ADCY5: variants seen among roughly 807,000 people sequenced by gnomAD.
ADCY5 encodes the protein adenylate cyclase 5, also known as adenylate cyclase type 5.
In ADCY5, 30 loss-of-function variants were observed where a neutral mutation model predicts 119.7. The ratio of observed to expected loss-of-function variants is 0.25; its 90% CI spans 0.19 to 0.34. ADCY5 has a LOEUF of 0.34. ADCY5 is among the 10% of genes least tolerant of loss of function. The pLI, the probability that ADCY5 is intolerant of heterozygous loss-of-function variation, is 1.00. For missense variants in ADCY5, 1,324 were observed against 1,775.2 expected, an observed-to-expected ratio of 0.75 and a Z score of 4.57; for synonymous variants, 753 against 762.2, an observed-to-expected ratio of 0.99 and a Z score of 0.20.
intron 7 of ADCY5, 28 bp from the exon 8 acceptor site, chr3:123,325,490 A>G: frequency 3.8e-6 from 6 of 1,594,626 alleles, no homozygotes; most frequent in Non-Finnish European, 5.1e-6. Context: ...AGATGGGGGG[A>G]GATGAGGAGT....
Position 123,314,282 on chromosome 3 carries a change from G to A in ADCY5, c.2395C>T (p.Leu799=). The A allele has an allele frequency of 6.2e-7, 1 of 1,613,930 alleles. No homozygotes were observed. Among genetic ancestry groups the A allele is most frequent in the South Asian group, 1.1e-5 (1 of 91,042 alleles). The change falls in exon 12 of 21, where the codon CTG becomes TTG. Residue 799 remains leucine, a synonymous_variant. Coordinates refer to ENST00000462833, the MANE Select transcript of ADCY5 (RefSeq NM_183357.3). ...GACACAAACACCACCAAGGTCAGCAGCAGGGAACAGGTCAGGTAGAAGCTG... is the reference window on the plus strand; with the variant it reads ...GACACAAACACCACCAAGGTCAGCAACAGGGAACAGGTCAGGTAGAAGCTG... The part of the protein sequence containing the change: ...MLSFYLTCSL[L]LTLVVFVSVI...
rs57503913 is a variant in ADCY5 at position 123,439,076 on chromosome 3, C to CTT, written c.1134+8334_1134+8335dup. On this transcript the variant is annotated intron_variant, in intron 1 of 20. Coordinates refer to ENST00000462833, the MANE Select transcript of ADCY5 (RefSeq NM_183357.3). ...CCCACTGTGCCCAGACCCTAAAGTG[C>CTT]TTTTTTTTTTGAGATGGAGTCTCGC... Among the ~76,000 whole-genome samples the CTT allele has an allele frequency of 3.1e-5, 2 of 64,728 alleles. 1 individual carries two copies. Among genetic ancestry groups the CTT allele is most frequent in the Non-Finnish European group, 5.2e-5 (2 of 38,560 alleles). The allele number at this position is 64,728 out of a possible 152,430, so 42.5% of individuals were successfully genotyped here.
At position 123,353,179 on chromosome 3, in the gene ADCY5, A is replaced by C. The variant is rs566275239; in HGVS notation, c.1135-598T>G. ...GTCTTTCTGTTGCCAGCTCTCTGAC[A>C]ACCACTGCACCAGCCGGCCAGTGCC... On this transcript the variant is annotated intron_variant, in intron 1 of 20. Transcript: ENST00000462833. Among the ~76,000 whole-genome samples, 163 of 152,300 alleles carry C rather than the reference A, an allele frequency of 1.1e-3. 1 individual carries two copies. The South Asian group carries it at 0.033, about 30-fold the overall frequency.
In ADCY5 at chr3:123,447,802, C is replaced by G. The variant is rs1245039805; in HGVS notation, c.744G>C (p.Val248=). The G allele has an allele frequency of 1.9e-6, 3 of 1,612,332 alleles. No individual in the cohort carries two copies. The Admixed American group carries it at 5.0e-5, about 27-fold the overall frequency. Residue 248 remains valine, a synonymous_variant, in exon 1 of 21, where the codon GTG becomes GTC. Coordinates refer to ENST00000462833, the MANE Select transcript of ADCY5 (RefSeq NM_183357.3). The part of the protein sequence containing the change: ...NQSSLTMLMA[V]LVLVCLVMLA... The stretch of plus-strand genomic sequence containing the variant: ...ACATGACCAGGCACACGAGCACCAG[C>G]ACGGCCATGAGCATGGTGAGGCTGC...
chr3:123,428,266 G>A (rs1490669859), intron 1 of ADCY5, among the ~76,000 whole-genome samples: 4 of 152,222 alleles, frequency 2.6e-5, no homozygotes, highest in Non-Finnish European at 4.4e-5. Flanking sequence ...TTGCTGTACA[G>A]ACAAGGAAAC....
chr3:123,400,971 T>A (rs1039310621), intron 1 of ADCY5, among the ~76,000 whole-genome samples: 4 of 150,762 alleles, frequency 2.7e-5, no homozygotes, highest in Non-Finnish European at 4.4e-5. Context: ...TAAAAATAAA[T>A]AAATAAATAA....
At chr3:123,372,089 C>A (rs1248197793) in intron 1 of ADCY5, among the ~76,000 whole-genome samples, 2 of 152,198 alleles carry the variant, frequency 1.3e-5, no homozygotes, top group Admixed American at 1.3e-4. Flanking sequence ...ACTGCACTTA[C>A]TGCTGGACTT....
intron 2 of ADCY5, among the ~76,000 whole-genome samples, chr3:123,348,369 T>C (rs1273914783): frequency 6.6e-6 from 1 of 152,176 alleles, no homozygotes; most frequent in Non-Finnish European, 1.5e-5. Context: ...GCACCTACCA[T>C]GTGCCAGGCA....
intron 12 of ADCY5, among the ~76,000 whole-genome samples, chr3:123,306,865 GAATA>G (rs1368272308): frequency 6.6e-6 from 1 of 152,224 alleles, no homozygotes; most frequent in Non-Finnish European, 1.5e-5. Flanking sequence ...ATTGATGAAT[GAATA>G]AACAAAATGT....
At chr3:123,288,090 G>T (rs183074738) in intron 19 of ADCY5, among the ~76,000 whole-genome samples, 24 of 152,372 alleles carry the variant, frequency 1.6e-4, no homozygotes, top group Admixed American at 5.9e-4. Flanking sequence ...AGCTGGCTGT[G>T]CTCGGGGCCT....
At position 123,448,347 on chromosome 3, in the gene ADCY5, G is replaced by A; in HGVS notation, c.199C>T (p.Gln67Ter). The change falls in exon 1 of 21, where the codon CAG (glutamine) becomes TAG (stop). Residue 67 changes from glutamine (Q) to a stop codon, truncating the protein, a stop_gained. Transcript: ENST00000462833. LOFTEE classifies it high-confidence loss of function. The stretch of plus-strand genomic sequence containing the variant: ...CTGCGCCAGCGGCTGGCCAGGCGCT[G>A]CTGCTGCTGCGGGGTCACCGCCCCC... ...PGGAVTPQQQQRLASRWRSDD... is the reference protein window; with the variant it reads ...PGGAVTPQQQ 6.6e-7 allele frequency: 1 copy of A among 1,523,192 alleles called. No homozygotes were observed. The highest frequency in any genetic ancestry group is 8.7e-7 in the Non-Finnish European group (1 of 1,146,076). 94.4% of individuals were successfully genotyped at this position (1,523,192 alleles called of 1,614,324 possible). A position where few individuals can be genotyped will look rare whatever the true frequency, so the allele number is the denominator to read the frequency against.
At chr3:123,407,745 A>G (rs9631458) in intron 1 of ADCY5, among the ~76,000 whole-genome samples, 12 of 117,716 alleles carry the variant, frequency 1.0e-4, no homozygotes, top group Non-Finnish European at 1.3e-4. Context: ...CAGCCTGGGC[A>G]ACAGAGTGAG....
At chr3:123,346,775 G>T (rs1338170649) in intron 3 of ADCY5, among the ~76,000 whole-genome samples, 1 of 152,132 alleles carries the variant, frequency 6.6e-6, no homozygotes, top group Non-Finnish European at 1.5e-5. Flanking sequence ...TGAGTCCTAG[G>T]GAAACTTGCC....
Position 123,303,105 on chromosome 3 carries a change from C to A in ADCY5, c.2674G>T (p.Asp892Tyr). 6.2e-7 allele frequency: 1 copy of A among 1,613,850 alleles called. No individual in the cohort carries two copies. Among genetic ancestry groups the A allele is most frequent in the East Asian group, 2.2e-5 (1 of 44,874 alleles). Residue 892 changes from aspartate to tyrosine, a missense_variant, in exon 14 of 21, where the codon GAT becomes TAT. By Grantham distance (160) the Asp-to-Tyr change is radical (BLOSUM62 -3). Around this residue, in one of 6 missense-constraint regions of ADCY5, gnomAD observed 424 missense variants for 546.8 expected, o/e 0.78. Coordinates refer to ENST00000462833, the MANE Select transcript of ADCY5 (RefSeq NM_183357.3). ...GGGCTGCCACAGAAGCCCTGCTCAT[C>A]GCCCAGGCTGTAGTTGACGGCCGAC... ...AESAVNYSLG[D>Y]EQGFCGSPWP... is the part of the protein sequence containing the mutation.
intron 9 of ADCY5, 125 bp from the exon 10 acceptor site, chr3:123,319,943 C>T: frequency 7.4e-7 from 1 of 1,348,866 alleles, no homozygotes; most frequent in Non-Finnish European, 1.0e-6. Flanking sequence ...TCAGCCCAAT[C>T]AGGGCAGCGG....
chr3:123,407,088 C>T (rs185707878), intron 1 of ADCY5, among the ~76,000 whole-genome samples: 191 of 152,252 alleles, frequency 1.3e-3, no homozygotes, highest in African/African-American at 4.4e-3. Context: ...ATTCTAGGAA[C>T]GTGATACCCC....
rs768170135 is a variant in ADCY5, at chr3:123,330,943, G to A, written c.1592C>T (p.Ala531Val). The change falls in exon 5 of 21, where the codon GCT (alanine) becomes GTT (valine). Residue 531 changes from alanine (A) to valine (V), a missense_variant. Ala to Val is a moderately conservative substitution (Grantham distance 64). This residue lies in a region of ADCY5 where 123 missense variants were observed against 287.9 expected (regional missense o/e 0.43). Transcript: ENST00000462833. ...YCVSGLPEAR[A>V]DHAHCCVEMG... is the part of the protein sequence containing the mutation. ...CTCCACACAGCAGTGGGCGTGGTCAGCCCTTGCTTCAGGCAGCCCCGAGAC... is the reference window on the plus strand; with the variant it reads ...CTCCACACAGCAGTGGGCGTGGTCAACCCTTGCTTCAGGCAGCCCCGAGAC... The A allele has an allele frequency of 6.2e-7, 1 of 1,614,078 alleles. No homozygotes were observed. Among genetic ancestry groups the A allele is most frequent in the Non-Finnish European group, 8.5e-7 (1 of 1,179,972 alleles).
Position 123,303,119 on chromosome 3 carries a change from T to A in ADCY5, c.2660A>T (p.Asn887Ile), listed in dbSNP as rs774983582. The change falls in exon 14 of 21, where the codon AAC becomes ATC. Residue 887 changes from asparagine to isoleucine, a missense_variant. This residue lies in a region of ADCY5 where 424 missense variants were observed against 546.8 expected (regional missense o/e 0.78). Coordinates refer to ENST00000462833, the MANE Select transcript of ADCY5 (RefSeq NM_183357.3). Reference sequence around the variant, plus strand: ...GCCCTGCTCATCGCCCAGGCTGTAGTTGACGGCCGACTCCGCCACGTGACA... The same window carrying A: ...GCCCTGCTCATCGCCCAGGCTGTAGATGACGGCCGACTCCGCCACGTGACA... The part of the protein sequence containing the change: ...NACHVAESAV[N>I]YSLGDEQGFC... The A allele has an allele frequency of 6.2e-7, 1 of 1,613,860 alleles. No homozygotes were observed. The highest frequency in any genetic ancestry group is 8.5e-7 in the Non-Finnish European group (1 of 1,180,026).
At chr3:123,295,827 C>T (rs1037443150) in intron 17 of ADCY5, among the ~76,000 whole-genome samples, 1 of 152,224 alleles carries the variant, frequency 6.6e-6, no homozygotes, top group Non-Finnish European at 1.5e-5. Flanking sequence ...CCTCCTGGAC[C>T]CGTCAGAGTC....
Sources: allele counts gnomAD v4.1 joint callset (sites outside exome capture counted in the v4.1 genomes callset), GRCh38; gene constraint gnomAD v4.1.1; regional missense constraint gnomAD v4.1.1; transcripts MANE v1.5; gene names NCBI Gene and HGNC (gene_info 2026-07-23, HGNC 2026-07-21).